Variants in LRFN5 observed in about 807,000 individuals in gnomAD.
LRFN5 encodes leucine-rich repeat and fibronectin type-III domain-containing protein 5.
LRFN5 carries 24 observed loss-of-function variants against 45.6 expected under a neutral mutation model. The ratio of observed to expected loss-of-function variants is 0.53; its 90% CI spans 0.38 to 0.74. The LOEUF is 0.74. Ranked by LOEUF, LRFN5 falls within the 30% of genes least tolerant of loss-of-function variation. The pLI, the probability that LRFN5 is intolerant of heterozygous loss-of-function variation, is 0.00. For missense variants in LRFN5, 776 were observed against 861.5 expected (o/e 0.90, Z 1.24); for synonymous variants, 340 against 313.8 (o/e 1.08, Z -0.88).
intron 4 of LRFN5, 64 bp from the exon 5 acceptor site, chr14:41,898,853 G>GT (rs1891019988): frequency 2.1e-6 from 3 of 1,432,756 alleles, no homozygotes; most frequent in South Asian, 1.2e-5. Flanking sequence ...TCAGTAAGAG[G>GT]TTTTTTGAAT....
chr14:41,829,824 A>T (rs1403751326), intron 2 of LRFN5, among the ~76,000 whole-genome samples: 9 of 151,418 alleles, frequency 5.9e-5, no homozygotes, highest in Non-Finnish European at 8.9e-5. Flanking sequence ...TGTAACATTT[A>T]TACAACCTTT....
At chr14:41,868,781 A>G (rs1055366691) in intron 2 of LRFN5, among the ~76,000 whole-genome samples, 3 of 152,190 alleles carry the variant, frequency 2.0e-5, no homozygotes, top group Non-Finnish European at 4.4e-5. Flanking sequence ...TGCATTATTC[A>G]TACCGAAAAG....
intron 1 of LRFN5, among the ~76,000 whole-genome samples, chr14:41,688,974 A>T (rs1466541656): frequency 6.6e-6 from 1 of 151,188 alleles, no homozygotes; most frequent in African/African-American, 2.4e-5. Flanking sequence ...CTGTAGTTGG[A>T]GTCCCAGCTA....
chr14:41,848,470 A>G (rs144678002), intron 2 of LRFN5, among the ~76,000 whole-genome samples: 1,732 of 146,114 alleles, frequency 0.012, 19 homozygotes, highest in Non-Finnish European at 0.021. Flanking sequence ...AGTTATGGCT[A>G]AGACATAAAT....
intron 2 of LRFN5, among the ~76,000 whole-genome samples, chr14:41,870,673 A>G (rs1185058073): frequency 2.6e-5 from 4 of 152,206 alleles, no homozygotes; most frequent in Admixed American, 6.5e-5. Flanking sequence ...GAGCCAAACC[A>G]TATCAATAAC....
chr14:41,734,119 G>A (rs1205168335), intron 1 of LRFN5, among the ~76,000 whole-genome samples: 2 of 138,888 alleles, frequency 1.4e-5, no homozygotes, highest in East Asian at 4.8e-4. Context: ...TCTGCCTCCT[G>A]GGTTCAAGCA....
chr14:41,681,808 A>ATTTC (rs1454303933), intron 1 of LRFN5, among the ~76,000 whole-genome samples: 49 of 92,322 alleles, frequency 5.3e-4, no homozygotes, highest in Admixed American at 3.4e-3. Flanking sequence ...TTATTTATTT[A>ATTTC]TTTATTTATT....
intron 1 of LRFN5, among the ~76,000 whole-genome samples, chr14:41,663,407 A>C (rs1479751105): frequency 6.6e-6 from 1 of 152,082 alleles, no homozygotes; most frequent in African/African-American, 2.4e-5. Flanking sequence ...AGAGCCTCAC[A>C]GGACTGTAAG....
At chr14:41,870,432 C>G (rs960807364) in intron 2 of LRFN5, among the ~76,000 whole-genome samples, 5 of 152,250 alleles carry the variant, frequency 3.3e-5, no homozygotes, top group Admixed American at 3.3e-4. Context: ...TTCCACACGG[C>G]TAGGGAGGCC....
At chr14:41,837,785 T>G (rs1040186239) in intron 2 of LRFN5, among the ~76,000 whole-genome samples, 9 of 152,144 alleles carry the variant, frequency 5.9e-5, no homozygotes, top group African/African-American at 2.2e-4. Context: ...GCTAAAATAA[T>G]TTATCTGGGA....
chr14:41,826,101 GT>G (rs1327013910), intron 2 of LRFN5, among the ~76,000 whole-genome samples: 1 of 152,098 alleles, frequency 6.6e-6, no homozygotes, highest in Non-Finnish European at 1.5e-5. Flanking sequence ...CCTCAGATAG[GT>G]CTAGTCATCA....
chr14:41,801,663 G>A (rs923669518), intron 2 of LRFN5, among the ~76,000 whole-genome samples: 5 of 152,184 alleles, frequency 3.3e-5, no homozygotes, highest in African/African-American at 1.2e-4. Context: ...CATTATCCCA[G>A]ATGTTGGGGC....
At chr14:41,753,970 T>G (rs1013782186) in intron 1 of LRFN5, among the ~76,000 whole-genome samples, 1 of 152,190 alleles carries the variant, frequency 6.6e-6, no homozygotes, top group Non-Finnish European at 1.5e-5. Context: ...GTTTTTAGCA[T>G]GAAGGGCTGT....
In LRFN5 at chr14:41,891,596, A is replaced by C; in HGVS notation, c.1732A>C (p.Ile578Leu). The change falls in exon 4 of 6, where the codon ATA becomes CTA. Residue 578 changes from isoleucine (I) to leucine (L), a missense_variant. Coordinates refer to ENST00000298119, the MANE Select transcript of LRFN5 (RefSeq NM_152447.5). ...NVYSQTNGAQ[I>L]QGCSVTLPQS... Reference sequence around the variant, plus strand: ...TTATTCCCAAACTAACGGGGCTCAAATACAAGGCTGTAGTGTAACGCTGCC... The same window carrying C: ...TTATTCCCAAACTAACGGGGCTCAACTACAAGGCTGTAGTGTAACGCTGCC... The C allele has an allele frequency of 6.2e-7, 1 of 1,614,206 alleles. No individual in the cohort carries two copies. Among genetic ancestry groups the C allele is most frequent in the Non-Finnish European group, 8.5e-7 (1 of 1,180,048 alleles).
At chr14:41,662,352 A>G (rs1205512580) in intron 1 of LRFN5, among the ~76,000 whole-genome samples, 2 of 151,978 alleles carry the variant, frequency 1.3e-5, no homozygotes, top group Admixed American at 1.3e-4. Context: ...TTAACTTAGA[A>G]TCTCTGGGGT....
intron 1 of LRFN5, among the ~76,000 whole-genome samples, chr14:41,639,974 T>TTTTTTTTTTTTTTTTTTTTTTC (rs1879497029): frequency 6.9e-6 from 1 of 145,604 alleles, no homozygotes; most frequent in African/African-American, 2.6e-5. Context: ...TTTTTTTTTT[T>TTTTTTTTTTTTTTTTTTTTTTC]TTTTATTTAC....
intron 1 of LRFN5, among the ~76,000 whole-genome samples, chr14:41,647,568 A>C (rs1879876457): frequency 6.6e-6 from 1 of 152,144 alleles, no homozygotes; most frequent in Non-Finnish European, 1.5e-5. Context: ...GAAGTGGAGG[A>C]AGGGGTTAGG....
At chr14:41,672,295 G>A (rs1280019684) in intron 1 of LRFN5, among the ~76,000 whole-genome samples, 8 of 151,942 alleles carry the variant, frequency 5.3e-5, no homozygotes, top group South Asian at 2.1e-4. Context: ...TGATTTCTCC[G>A]ATAGGTTCCT....
intron 1 of LRFN5, among the ~76,000 whole-genome samples, chr14:41,754,553 A>T (rs1885289512): frequency 6.6e-6 from 1 of 152,096 alleles, no homozygotes; most frequent in Admixed American, 6.5e-5. Context: ...TTATTTGCGT[A>T]GAGGTGTTTA....
Sources: gnomAD v4.1 joint callset for allele counts (sites outside exome capture counted in the v4.1 genomes callset) on GRCh38, gnomAD v4.1.1 for gene constraint, MANE v1.5 for transcripts, NCBI Gene and HGNC (gene_info 2026-07-23, HGNC 2026-07-21) for gene names.